The following CRADD variants were observed in gnomAD, a reference collection of about 807,000 sequenced individuals.
The protein encoded by CRADD is death domain-containing protein CRADD.
A neutral mutation model predicts 15.5 loss-of-function variants in CRADD; 9 were observed. The ratio of observed to expected loss-of-function variants is 0.58; its 90% CI spans 0.35 to 1.01. CRADD has a LOEUF of 1.01. Among genes scored for constraint, CRADD ranks in the 50% least tolerant of loss-of-function variants. CRADD has a pLI of 0.02. For synonymous variants in CRADD, 118 were observed against 107.6 expected, an observed-to-expected ratio of 1.10 and a Z score of -0.60; for missense variants, 227 against 250.3, an observed-to-expected ratio of 0.91 and a Z score of 0.63.
intron 2 of CRADD, among the ~76,000 whole-genome samples, chr12:93,795,609 C>T (rs1302185191): frequency 6.6e-6 from 1 of 152,210 alleles, no homozygotes; most frequent in Non-Finnish European, 1.5e-5. Context: ...GCTCCATTCA[C>T]TCCTTTGCTC....
At chr12:93,825,001 G>GTT (rs2137023125) in intron 2 of CRADD, among the ~76,000 whole-genome samples, 1 of 152,250 alleles carries the variant, frequency 6.6e-6, no homozygotes, top group African/African-American at 2.4e-5. Context: ...ATGAAAATAA[G>GTT]TTTTTGCTGT....
At chr12:93,745,879 A>G (rs1956741199) in intron 2 of CRADD, among the ~76,000 whole-genome samples, 1 of 152,210 alleles carries the variant, frequency 6.6e-6, no homozygotes, top group Non-Finnish European at 1.5e-5. Context: ...TAAGTATACA[A>G]TTACTTATTT....
exon 3 of CRADD, chr12:93,894,118 A>G (rs1191107211): frequency 2.8e-6 from 2 of 702,270 alleles, no homozygotes; most frequent in African/African-American, 1.7e-5. Context: ...GAGATTCTGA[A>G]CTGGCATCTT....
At chr12:93,847,200 G>A (rs773916103) in intron 2 of CRADD, among the ~76,000 whole-genome samples, 15 of 152,060 alleles carry the variant, frequency 9.9e-5, no homozygotes, top group Non-Finnish European at 1.9e-4. Context: ...CCTCAGACAG[G>A]AAAAGCAAGT....
chr12:93,871,448 T>C (rs972652407), intron 2 of CRADD, among the ~76,000 whole-genome samples: 9 of 152,160 alleles, frequency 5.9e-5, no homozygotes, highest in African/African-American at 2.2e-4. Context: ...AAATATACAA[T>C]TAAGTTATTA....
chr12:93,709,532 G>C lies in CRADD; in HGVS notation c.298+30460G>C, dbSNP rs531251523. Among the ~76,000 whole-genome samples the C allele has an allele frequency of 7.9e-5, 12 of 152,276 alleles. 1 individual carries two copies. In the South Asian group the frequency reaches 1.9e-3, roughly 24 times the overall value. Reference sequence around the variant, plus strand: ...GCAGTATTTGGTTTTCTGTTCCTGAGTTAGTCTGCTAAGGGTAATTAGCCT... The same window carrying C: ...GCAGTATTTGGTTTTCTGTTCCTGACTTAGTCTGCTAAGGGTAATTAGCCT... On this transcript the variant is annotated intron_variant, in intron 2 of 2. Coordinates refer to ENST00000332896, the MANE Select transcript of CRADD (RefSeq NM_003805.5).
intron 2 of CRADD, among the ~76,000 whole-genome samples, chr12:93,784,205 C>A (rs1191799144): frequency 1.3e-5 from 2 of 152,064 alleles, no homozygotes; most frequent in African/African-American, 2.4e-5. Flanking sequence ...TAAATATAGT[C>A]AAGCTGAATG....
At chr12:93,697,732 A>G (rs1955745153) in intron 2 of CRADD, among the ~76,000 whole-genome samples, 1 of 152,170 alleles carries the variant, frequency 6.6e-6, no homozygotes, top group African/African-American at 2.4e-5. Context: ...TGAGGCCCTT[A>G]TACCAAAGGA....
intron 2 of CRADD, among the ~76,000 whole-genome samples, chr12:93,769,470 C>G (rs1256938371): frequency 6.6e-6 from 1 of 152,126 alleles, no homozygotes; most frequent in Non-Finnish European, 1.5e-5. Flanking sequence ...TTGTACATGT[C>G]TTTTGGCATA....
At chr12:93,770,274 T>A (rs1439862661) in intron 2 of CRADD, among the ~76,000 whole-genome samples, 2 of 151,850 alleles carry the variant, frequency 1.3e-5, no homozygotes, top group Non-Finnish European at 2.9e-5. Context: ...TTTTTTTGTA[T>A]TTTTAGTAGA....
chr12:93,851,758 G>A (rs955996030), downstream of CRADD, among the ~76,000 whole-genome samples: 5 of 152,178 alleles, frequency 3.3e-5, no homozygotes, highest in Middle Eastern at 3.4e-3. Flanking sequence ...TAATAATTAC[G>A]GAATCTGTTT....
chr12:93,705,666 A>G lies in CRADD; in HGVS notation c.298+26594A>G, dbSNP rs1407625215. Among the ~76,000 whole-genome samples, 5 of 152,212 alleles carry G rather than the reference A, an allele frequency of 3.3e-5. No individual in the cohort carries two copies. The South Asian group carries it at 1.0e-3, about 32-fold the overall frequency. On this transcript the variant is annotated intron_variant, in intron 2 of 2. Coordinates refer to ENST00000332896, the MANE Select transcript of CRADD (RefSeq NM_003805.5). Reference sequence around the variant, plus strand: ...CCTAAAGGCCTTCCTCTTCTTTGGAATTTAATGTGTCAGTAATGGCTCCTA... The same window carrying G: ...CCTAAAGGCCTTCCTCTTCTTTGGAGTTTAATGTGTCAGTAATGGCTCCTA...
At chr12:93,734,320 A>C (rs915898405) in intron 2 of CRADD, among the ~76,000 whole-genome samples, 1 of 152,212 alleles carries the variant, frequency 6.6e-6, no homozygotes, top group Non-Finnish European at 1.5e-5. Flanking sequence ...TAAAACAAGT[A>C]TGTGAATTTT....
chr12:93,844,390 A>G (rs1192311380), intron 2 of CRADD, among the ~76,000 whole-genome samples: 2 of 152,178 alleles, frequency 1.3e-5, no homozygotes, highest in African/African-American at 4.8e-5. Flanking sequence ...TAGAGGTCAG[A>G]CAGCACAAAC....
chr12:93,686,951 G>T (rs895368778), intron 2 of CRADD, among the ~76,000 whole-genome samples: 1 of 151,288 alleles, frequency 6.6e-6, no homozygotes, highest in Non-Finnish European at 1.5e-5. Context: ...GAATTTCCAA[G>T]GGCCTTTAGA....
intron 2 of CRADD, among the ~76,000 whole-genome samples, chr12:93,823,819 C>G (rs1008574340): frequency 6.6e-6 from 1 of 152,084 alleles, no homozygotes; most frequent in Non-Finnish European, 1.5e-5. Context: ...GAGAAAGAAG[C>G]AAGGCTGTTG....
chr12:93,857,305 C>T (rs905490810), intron 2 of CRADD, among the ~76,000 whole-genome samples: 1 of 152,142 alleles, frequency 6.6e-6, no homozygotes, highest in Non-Finnish European at 1.5e-5. Flanking sequence ...ACTAGTCTTT[C>T]TTCTGGTGAC....
At chr12:93,892,583 G>C (rs1429775194) in intron 2 of CRADD, among the ~76,000 whole-genome samples, 2 of 152,036 alleles carry the variant, frequency 1.3e-5, no homozygotes, top group African/African-American at 2.4e-5. Context: ...AAGGAACCCT[G>C]TCTGACTGGA....
chr12:93,866,874 T>C (rs1958371685), intron 2 of CRADD, among the ~76,000 whole-genome samples: 1 of 152,212 alleles, frequency 6.6e-6, no homozygotes, highest in South Asian at 2.1e-4. Flanking sequence ...ACATTTAGTA[T>C]GTAGTCCTCA....
Sources: allele counts gnomAD v4.1 joint callset (sites outside exome capture counted in the v4.1 genomes callset), GRCh38; gene constraint gnomAD v4.1.1; transcripts MANE v1.5; gene names NCBI Gene and HGNC (gene_info 2026-07-23, HGNC 2026-07-21).